The following APP variants were observed in gnomAD, a reference collection of about 807,000 sequenced individuals.
APP encodes the protein amyloid beta precursor protein.
APP carries 31 observed loss-of-function variants against 101.4 expected under a neutral mutation model. The ratio of observed to expected loss-of-function variants is 0.31; its 90% CI spans 0.23 to 0.41. The LOEUF is 0.41. Among genes scored for constraint, APP ranks in the 10% least tolerant of loss-of-function variants. The pLI, the probability that APP is intolerant of heterozygous loss-of-function variation, is 1.00. For missense variants in APP, 839 were observed against 1,003.7 expected (o/e 0.84, Z 2.22); for synonymous variants, 366 against 364.4 (o/e 1.00, Z -0.05).
rs778128146 is a variant in APP at position 25,904,980 on chromosome 21, T to C, written c.1963+44A>G. 7 of 1,571,822 alleles carry C rather than the reference T, an allele frequency of 4.5e-6. No homozygotes were observed. The South Asian group carries it at 7.8e-5, about 18-fold the overall frequency. On this transcript the variant is annotated intron_variant, in intron 15 of 17. Coordinates refer to ENST00000346798, the MANE Select transcript of APP (RefSeq NM_000484.4). ...AAAGGAGACAACGTCTGCTCGAGCTTAGGCCCAAGATGCGGAGAGGCACAA... is the reference window on the plus strand; with the variant it reads ...AAAGGAGACAACGTCTGCTCGAGCTCAGGCCCAAGATGCGGAGAGGCACAA...
At chr21:25,885,579 G>A (rs1229496977) in intron 17 of APP, among the ~76,000 whole-genome samples, 4 of 152,124 alleles carry the variant, frequency 2.6e-5, no homozygotes, top group Non-Finnish European at 5.9e-5. Context: ...CACAGCAGCA[G>A]GAAATGATCT....
In APP at chr21:25,897,534, GACAA is replaced by G. The variant is rs1370983475; in HGVS notation, c.2064+35_2064+38del. 3 of 1,481,526 alleles carry G rather than the reference GACAA, an allele frequency of 2.0e-6. No individual in the cohort carries two copies. The East Asian group carries it at 6.8e-5, about 33-fold the overall frequency. The allele number at this position is 1,481,526 out of a possible 1,614,324, so 91.8% of individuals were successfully genotyped here. A position where few individuals can be genotyped will look rare whatever the true frequency, so the allele number is the denominator to read the frequency against. On this transcript the variant is annotated intron_variant, in intron 16 of 17. Transcript: ENST00000346798. ...CCAGAGTTAATAGGTCATTTGGCAA[GACAA>G]ACAGTAGTGGAAAGAGGTAAATTAT...
chr21:25,967,219 A>G (rs1297697506), intron 11 of APP, among the ~76,000 whole-genome samples: 1 of 152,114 alleles, frequency 6.6e-6, no homozygotes, highest in Non-Finnish European at 1.5e-5. Context: ...TTTTTGCTCA[A>G]TTAAACTGAT....
intron 8 of APP, among the ~76,000 whole-genome samples, chr21:25,988,823 CTCT>C (rs1485780608): frequency 1.5e-5 from 2 of 136,380 alleles, no homozygotes; most frequent in Non-Finnish European, 3.1e-5. Flanking sequence ...TCCCTTCTTT[CTCT>C]CACACCAAAA....
At chr21:25,967,705 A>T (rs984904972) in intron 11 of APP, among the ~76,000 whole-genome samples, 51 of 152,190 alleles carry the variant, frequency 3.4e-4, no homozygotes, top group African/African-American at 1.1e-3. Context: ...GATAAGCAGA[A>T]CGCTGAGAGT....
At chr21:26,069,720 C>A (rs1429860558) in intron 3 of APP, among the ~76,000 whole-genome samples, 1 of 152,126 alleles carries the variant, frequency 6.6e-6, no homozygotes, top group Non-Finnish European at 1.5e-5. Flanking sequence ...CTTTGGGAGA[C>A]AATGTAATTT....
At chr21:26,168,702 A>G (rs2063670766) in intron 1 of APP, among the ~76,000 whole-genome samples, 1 of 152,238 alleles carries the variant, frequency 6.6e-6, no homozygotes, top group Non-Finnish European at 1.5e-5. Flanking sequence ...AAACTGGAAT[A>G]ATTCTACAAA....
At chr21:26,010,299 T>C (rs2043735624) in intron 6 of APP, among the ~76,000 whole-genome samples, 1 of 152,210 alleles carries the variant, frequency 6.6e-6, no homozygotes, top group Non-Finnish European at 1.5e-5. Context: ...ATACGCAATG[T>C]TTCAAGTCAA....
At chr21:26,060,901 G>A (rs926107600) in intron 3 of APP, among the ~76,000 whole-genome samples, 2 of 152,190 alleles carry the variant, frequency 1.3e-5, no homozygotes, top group African/African-American at 4.8e-5. Context: ...GTGACAGCCA[G>A]GACAGGACAG....
At chr21:26,021,811 G>C (rs200914339) in intron 6 of APP, 29 bp downstream of exon 6, 14 of 1,608,690 alleles carry the variant, frequency 8.7e-6, no homozygotes, top group South Asian at 2.2e-5. Flanking sequence ...CCTTGGGGGT[G>C]GGGGGAATCC....
intron 5 of APP, among the ~76,000 whole-genome samples, chr21:26,030,807 C>T (rs2146820123): frequency 6.6e-6 from 1 of 152,270 alleles, no homozygotes; most frequent in South Asian, 2.1e-4. Flanking sequence ...AAAGGTTTAG[C>T]TGCTACTAAG....
intron 13 of APP, among the ~76,000 whole-genome samples, chr21:25,915,906 G>GT (rs932923711): frequency 5.3e-5 from 8 of 152,084 alleles, no homozygotes; most frequent in African/African-American, 1.9e-4. Flanking sequence ...TTCAGAAAAT[G>GT]TAAGTGAAAA....
chr21:26,008,083 C>A (rs943761462), intron 6 of APP, among the ~76,000 whole-genome samples: 1 of 152,088 alleles, frequency 6.6e-6, no homozygotes, highest in Admixed American at 6.6e-5. Flanking sequence ...TAATTTGTCA[C>A]GGAAGTAACT....
At chr21:26,140,069 G>T in intron 1 of APP, 1 of 1,057,356 alleles carries the variant, frequency 9.5e-7, no homozygotes, top group Non-Finnish European at 1.4e-6. Flanking sequence ...TTGTACTTTT[G>T]AAAGATATTA....
Position 25,954,537 on chromosome 21 carries a change from C to T in APP, c.1687+53G>A, listed in dbSNP as rs45585939. On this transcript the variant is annotated intron_variant, in intron 13 of 17. Coordinates refer to ENST00000346798, the MANE Select transcript of APP (RefSeq NM_000484.4). ...CAGATAACTCACTTCCTCAATTTTC[C>T]TCTGGGGGAAAATACATGTCCATGT... The T allele has an allele frequency of 1.3e-4, 189 of 1,488,232 alleles. No individual in the cohort carries two copies. The African/African-American group carries it at 2.1e-3, about 16-fold the overall frequency. 92.2% of individuals were successfully genotyped at this position (1,488,232 alleles called of 1,614,324 possible).
At chr21:26,020,961 G>A (rs1293723202) in intron 6 of APP, among the ~76,000 whole-genome samples, 3 of 151,036 alleles carry the variant, frequency 2.0e-5, no homozygotes, top group Admixed American at 1.3e-4. Context: ...AAGCACTGCC[G>A]TACTTCCCAA....
chr21:25,982,574 C>T (rs2042476521), intron 8 of APP, 97 bp from the exon 9 acceptor site: 1 of 1,240,898 alleles, frequency 8.1e-7, no homozygotes, highest in Admixed American at 1.9e-5. Context: ...AGTTATTTCT[C>T]AGAACAGAGA....
chr21:26,021,093 G>A (rs1381046389), intron 6 of APP, among the ~76,000 whole-genome samples: 1 of 145,178 alleles, frequency 6.9e-6, no homozygotes, highest in East Asian at 2.0e-4. Flanking sequence ...TGTCACCCAG[G>A]CTGGAGTGCA....
chr21:26,162,081 C>G (rs1279126187), intron 1 of APP, among the ~76,000 whole-genome samples: 1 of 152,188 alleles, frequency 6.6e-6, no homozygotes, highest in Non-Finnish European at 1.5e-5. Context: ...TAATCTAGCA[C>G]TTTGGAAGGT....
Sources: gnomAD v4.1 joint callset for allele counts (sites outside exome capture counted in the v4.1 genomes callset) on GRCh38, gnomAD v4.1.1 for gene constraint, MANE v1.5 for transcripts, NCBI Gene and HGNC (gene_info 2026-07-23, HGNC 2026-07-21) for gene names.